ANKS1B: variants seen among roughly 807,000 people sequenced by gnomAD.
ANKS1B encodes ankyrin repeat and sterile alpha motif domain-containing protein 1B.
A neutral mutation model predicts 148.3 loss-of-function variants in ANKS1B; 36 were observed. The observed-to-expected ratio is 0.24, with a 90% CI of 0.19 to 0.32. The LOEUF (loss-of-function observed/expected upper bound fraction) is 0.32. Ranked by LOEUF, ANKS1B falls within the 10% of genes least tolerant of loss-of-function variation. The probability of loss-of-function intolerance (pLI) is 1.00; values close to 1 mark genes in which losing one functional copy is unlikely to be tolerated. For synonymous variants in ANKS1B, 542 were observed against 560.8 expected (o/e 0.97, Z 0.47); for missense variants, 1,157 against 1,542.6 (o/e 0.75, Z 4.19).
At chr12:99,059,241 C>G (rs1172052699) in intron 16 of ANKS1B, among the ~76,000 whole-genome samples, 1 of 152,148 alleles carries the variant, frequency 6.6e-6, no homozygotes, top group African/African-American at 2.4e-5. Context: ...CTGCCTACCC[C>G]TTGGTGAAGA....
At chr12:99,651,620 T>C (rs903497192) in intron 9 of ANKS1B, among the ~76,000 whole-genome samples, 1 of 152,188 alleles carries the variant, frequency 6.6e-6, no homozygotes, top group Non-Finnish European at 1.5e-5. Flanking sequence ...TTAAATTGTA[T>C]ATTCCTTTGG....
chr12:99,933,756 C>A lies in ANKS1B; in HGVS notation c.134+50348G>T, dbSNP rs574438900. ...TTCTTTCTCTTGTCTGATTGCTTAG[C>A]TGGGACTTGCAGTACCATGTTGAAT... On this transcript the variant is annotated intron_variant, in intron 1 of 26. Coordinates refer to ENST00000683438, the MANE Select transcript of ANKS1B (RefSeq NM_001352186.2). Among the ~76,000 whole-genome samples the A allele has an allele frequency of 7.9e-5, 12 of 152,146 alleles. No homozygotes were observed. The South Asian group carries it at 2.5e-3, about 32-fold the overall frequency.
intron 9 of ANKS1B, among the ~76,000 whole-genome samples, chr12:99,642,490 G>T (rs1034130909): frequency 6.6e-6 from 1 of 152,276 alleles, no homozygotes; most frequent in Middle Eastern, 3.4e-3. Context: ...TAAAATTAAG[G>T]TGTTAGCAGG....
intron 9 of ANKS1B, among the ~76,000 whole-genome samples, chr12:99,606,879 G>A (rs2097855165): frequency 6.6e-6 from 1 of 151,984 alleles, no homozygotes; most frequent in Admixed American, 6.6e-5. Flanking sequence ...TGCCAGCCTT[G>A]TCCTAACCAA....
intron 1 of ANKS1B, among the ~76,000 whole-genome samples, chr12:99,934,200 A>C (rs2094698207): frequency 6.6e-6 from 1 of 152,078 alleles, no homozygotes; most frequent in South Asian, 2.1e-4. Flanking sequence ...TTTCTGCATC[A>C]ATGTTCATCA....
chr12:99,463,242 T>A (rs908439329), intron 10 of ANKS1B, among the ~76,000 whole-genome samples: 23 of 152,250 alleles, frequency 1.5e-4, no homozygotes, highest in Admixed American at 9.2e-4. Context: ...GAATACAGTC[T>A]TCTGGTTTTG....
intron 10 of ANKS1B, among the ~76,000 whole-genome samples, chr12:99,472,785 T>A (rs1366170763): frequency 6.6e-6 from 1 of 152,080 alleles, no homozygotes; most frequent in East Asian, 1.9e-4. Context: ...TAAGAAAGCC[T>A]ATGAGTTAAA....
chr12:98,950,545 C>T (rs1340948687), intron 17 of ANKS1B, among the ~76,000 whole-genome samples: 5 of 151,964 alleles, frequency 3.3e-5, no homozygotes, highest in Non-Finnish European at 5.9e-5. Context: ...ATCTGTCCTG[C>T]GAGTCCTAAG....
At chr12:99,699,130 A>G (rs1416957649) in intron 8 of ANKS1B, among the ~76,000 whole-genome samples, 1 of 152,148 alleles carries the variant, frequency 6.6e-6, no homozygotes, top group Non-Finnish European at 1.5e-5. Context: ...GTTCCATTCT[A>G]TACTTGGGAA....
chr12:99,529,026 C>T (rs1225900136), intron 9 of ANKS1B, among the ~76,000 whole-genome samples: 1 of 152,096 alleles, frequency 6.6e-6, no homozygotes, highest in Non-Finnish European at 1.5e-5. Flanking sequence ...TACAAATGAG[C>T]TTTGATTTTT....
At chr12:99,919,773 CAG>C (rs2094292884) in intron 1 of ANKS1B, among the ~76,000 whole-genome samples, 2 of 60,860 alleles carry the variant, frequency 3.3e-5, no homozygotes, top group Admixed American at 1.5e-4. Flanking sequence ...AAATGTGCTG[CAG>C]AGTTAAAAAA....
intron 8 of ANKS1B, among the ~76,000 whole-genome samples, chr12:99,705,492 T>A (rs1378092738): frequency 6.6e-6 from 1 of 152,148 alleles, no homozygotes; most frequent in African/African-American, 2.4e-5. Flanking sequence ...GGAATCAACC[T>A]AAAGCAAAGC....
intron 1 of ANKS1B, among the ~76,000 whole-genome samples, chr12:99,901,585 T>G (rs1474451982): frequency 6.6e-6 from 1 of 152,110 alleles, no homozygotes; most frequent in Non-Finnish European, 1.5e-5. Context: ...GGTCTTCTGG[T>G]ACAACTCCAA....
At chr12:99,438,443 A>T (rs2095496188) in intron 11 of ANKS1B, among the ~76,000 whole-genome samples, 1 of 151,862 alleles carries the variant, frequency 6.6e-6, no homozygotes, top group African/African-American at 2.4e-5. Context: ...CATGTTCAGT[A>T]AATCTACAAA....
chr12:98,848,493 C>G (rs2099496500), intron 17 of ANKS1B, among the ~76,000 whole-genome samples: 1 of 151,922 alleles, frequency 6.6e-6, no homozygotes, highest in African/African-American at 2.4e-5. Flanking sequence ...GTTTTTTCCA[C>G]CCACACTTAA....
chr12:98,980,342 A>G (rs1289484539), intron 17 of ANKS1B, among the ~76,000 whole-genome samples: 1 of 152,134 alleles, frequency 6.6e-6, no homozygotes, highest in Non-Finnish European at 1.5e-5. Context: ...CTGGGACTAC[A>G]GGCACCCGCC....
chr12:98,902,212 A>G (rs898514112), intron 17 of ANKS1B, among the ~76,000 whole-genome samples: 1 of 152,228 alleles, frequency 6.6e-6, no homozygotes, highest in Admixed American at 6.5e-5. Flanking sequence ...CAAGGCCCAA[A>G]CCACATACAG....
chr12:99,330,536 C>T (rs1277081634), intron 12 of ANKS1B, among the ~76,000 whole-genome samples: 1 of 151,954 alleles, frequency 6.6e-6, no homozygotes, highest in Non-Finnish European at 1.5e-5. Context: ...ACATTTCCCT[C>T]CAAAGGATCT....
intron 9 of ANKS1B, among the ~76,000 whole-genome samples, chr12:99,646,165 G>T (rs1251549883): frequency 1.3e-5 from 2 of 151,956 alleles, no homozygotes; most frequent in East Asian, 3.9e-4. Flanking sequence ...TGGTTTCTTG[G>T]TTTTGCCAAT....
Sources: allele counts gnomAD v4.1 joint callset (sites outside exome capture counted in the v4.1 genomes callset), GRCh38; gene constraint gnomAD v4.1.1; transcripts MANE v1.5; gene names NCBI Gene and HGNC (gene_info 2026-07-23, HGNC 2026-07-21).